The following SCFD2 variants were observed in gnomAD, a reference collection of about 807,000 sequenced individuals.
SCFD2 encodes the protein sec1 family domain-containing protein 2.
A neutral mutation model predicts 58.9 loss-of-function variants in SCFD2; 54 were observed. The observed-to-expected ratio is 0.92, with a 90% CI of 0.74 to 1.15. SCFD2 has a LOEUF of 1.15. SCFD2 is among the 50% of genes most tolerant of loss of function. SCFD2 has a pLI of 0.00. For synonymous variants in SCFD2, 321 were observed against 335.9 expected (o/e 0.96, Z 0.49); for missense variants, 805 against 836.6 (o/e 0.96, Z 0.47).
intron 4 of SCFD2, among the ~76,000 whole-genome samples, chr4:53,202,138 C>A (rs536141494): frequency 1.5e-3 from 233 of 152,072 alleles, no homozygotes; most frequent in Non-Finnish European, 2.8e-3. Context: ...AGGTTTTCTT[C>A]TAGGGTTTTT....
chr4:53,353,874 A>C (rs1300288636), intron 1 of SCFD2, among the ~76,000 whole-genome samples: 2 of 150,666 alleles, frequency 1.3e-5, no homozygotes, highest in East Asian at 3.9e-4. Context: ...TGCATTTACC[A>C]ACCTTGAGCT....
At chr4:52,971,391 C>T (rs187874911) in intron 5 of SCFD2, among the ~76,000 whole-genome samples, 3 of 152,146 alleles carry the variant, frequency 2.0e-5, no homozygotes, top group South Asian at 2.1e-4. Flanking sequence ...GTAGCTGATT[C>T]GATCAACTGG....
At chr4:52,959,417 T>A (rs1270567417) in intron 5 of SCFD2, among the ~76,000 whole-genome samples, 1 of 152,174 alleles carries the variant, frequency 6.6e-6, no homozygotes, top group African/African-American at 2.4e-5. Context: ...CAGGAATCTA[T>A]CTGCTGAACA....
At chr4:52,891,610 C>T (rs12510510) in intron 7 of SCFD2, among the ~76,000 whole-genome samples, 2 of 152,346 alleles carry the variant, frequency 1.3e-5, no homozygotes, top group South Asian at 4.1e-4. Context: ...CCACATACCG[C>T]CTTTTCCCAA....
intron 4 of SCFD2, among the ~76,000 whole-genome samples, chr4:53,220,465 AC>A (rs1209466660): frequency 4.6e-5 from 7 of 152,206 alleles, no homozygotes. Context: ...TATAATAGGT[AC>A]CCAATAATTA....
intron 4 of SCFD2, among the ~76,000 whole-genome samples, chr4:53,262,546 A>G (rs1423773623): frequency 6.6e-6 from 1 of 152,150 alleles, no homozygotes; most frequent in Non-Finnish European, 1.5e-5. Context: ...CTTGGCTGAT[A>G]ATTGTTCTGT....
chr4:53,141,094 A>AT (rs1417750660), intron 5 of SCFD2, among the ~76,000 whole-genome samples: 1 of 152,138 alleles, frequency 6.6e-6, no homozygotes, highest in Non-Finnish European at 1.5e-5. Flanking sequence ...TGGAAAAAAA[A>AT]TTTTTTAATC....
chr4:53,202,871 G>T lies in SCFD2; in HGVS notation c.1312-57289C>A, dbSNP rs575621470. ...AGAATGCTTGTGATTTTTGCACATTGATTTTGTATCCTGAGACTTTGCTGA... is the reference window on the plus strand; with the variant it reads ...AGAATGCTTGTGATTTTTGCACATTTATTTTGTATCCTGAGACTTTGCTGA... On this transcript the variant is annotated intron_variant, in intron 4 of 8. Coordinates refer to ENST00000401642, the MANE Select transcript of SCFD2 (RefSeq NM_152540.4). Among the ~76,000 whole-genome samples, 12 of 152,300 alleles carry T rather than the reference G, an allele frequency of 7.9e-5. No individual in the cohort carries two copies. The East Asian group carries it at 2.1e-3, about 27-fold the overall frequency.
chr4:52,951,965 A>G (rs1260505026), intron 5 of SCFD2, among the ~76,000 whole-genome samples: 7 of 152,154 alleles, frequency 4.6e-5, no homozygotes, highest in Non-Finnish European at 8.8e-5. Flanking sequence ...GCATTTCAAC[A>G]CTGTGCAGAG....
intron 4 of SCFD2, among the ~76,000 whole-genome samples, chr4:53,234,333 C>A (rs182190224): frequency 1.4e-3 from 213 of 152,232 alleles, no homozygotes; most frequent in African/African-American, 4.8e-3. Flanking sequence ...TGGCAAAGAA[C>A]TTGAGGGAGG....
chr4:53,190,260 A>G (rs151073542), intron 4 of SCFD2, among the ~76,000 whole-genome samples: 5 of 152,220 alleles, frequency 3.3e-5, no homozygotes, highest in African/African-American at 4.8e-5. Context: ...TGTAGCATAG[A>G]CAGATGTTGG....
chr4:53,363,804 G>A lies in SCFD2; in HGVS notation c.838+1300C>T, dbSNP rs148165157. On this transcript the variant is annotated intron_variant, in intron 1 of 8. Transcript: ENST00000401642. ...ATTGCGCCATTGCACTCCAGCCTGG[G>A]CGACAGAGAGAGACTCCGTCTCAAA... Among the ~76,000 whole-genome samples, 1,192 of 142,702 alleles carry A rather than the reference G, an allele frequency of 8.4e-3. 17 individuals carry two copies. The highest frequency in any genetic ancestry group is 0.029 in the African/African-American group (1,122 of 38,242). 93.6% of individuals were successfully genotyped at this position (142,702 alleles called of 152,430 possible).
intron 8 of SCFD2, among the ~76,000 whole-genome samples, chr4:52,877,191 C>T (rs572596237): frequency 1.2e-4 from 18 of 152,326 alleles, no homozygotes; most frequent in East Asian, 5.8e-4. Flanking sequence ...ATTTGGCTAC[C>T]GCCACTGAGC....
At position 52,932,611 on chromosome 4, in the gene SCFD2, A is replaced by G. The variant is rs539683579; in HGVS notation, c.1562-11741T>C. 4.6e-5 allele frequency among the ~76,000 whole-genome samples: 7 copies of G among 152,338 alleles called. No individual in the cohort carries two copies. In the East Asian group the frequency reaches 1.3e-3, roughly 29 times the overall value. On this transcript the variant is annotated intron_variant, in intron 5 of 8. Transcript: ENST00000401642. ...GATTATTTTCTGATCTATTTGAGAA[A>G]GAGGCAAGAATAAAAGAAGCTTAGT... is the stretch of plus-strand genomic sequence containing the variant.
intron 4 of SCFD2, among the ~76,000 whole-genome samples, chr4:53,271,539 T>A (rs1560422485): frequency 6.6e-6 from 1 of 151,946 alleles, no homozygotes; most frequent in Non-Finnish European, 1.5e-5. Context: ...CTCAGCTCAC[T>A]GCAACCTCTG....
chr4:53,206,340 C>G lies in SCFD2; in HGVS notation c.1312-60758G>C, dbSNP rs1577839644. On this transcript the variant is annotated intron_variant, in intron 4 of 8. Transcript: ENST00000401642. ...ATAAATAACTAAAAGTAGAAATTAGCAAACAGAAGATGAAGATGTTCCAGA... is the reference window on the plus strand; with the variant it reads ...ATAAATAACTAAAAGTAGAAATTAGGAAACAGAAGATGAAGATGTTCCAGA... Among the ~76,000 whole-genome samples the G allele has an allele frequency of 2.6e-5, 4 of 152,132 alleles. No homozygotes were observed. The East Asian group carries it at 7.7e-4, about 29-fold the overall frequency.
At chr4:52,940,625 T>C (rs1720268400) in intron 5 of SCFD2, among the ~76,000 whole-genome samples, 1 of 152,200 alleles carries the variant, frequency 6.6e-6, no homozygotes, top group Non-Finnish European at 1.5e-5. Context: ...ACAGGAAACA[T>C]GAACCACTGC....
chr4:53,106,605 G>A (rs557705195), intron 5 of SCFD2, among the ~76,000 whole-genome samples: 1 of 152,298 alleles, frequency 6.6e-6, no homozygotes, highest in South Asian at 2.1e-4. Flanking sequence ...TCAAGAGGAA[G>A]AAAGGATATC....
chr4:53,043,893 T>C (rs1335035460), intron 5 of SCFD2, among the ~76,000 whole-genome samples: 2 of 152,208 alleles, frequency 1.3e-5, no homozygotes, highest in East Asian at 1.9e-4. Context: ...TTTTTTGACA[T>C]TGATACACTG....
Sources: allele counts gnomAD v4.1 joint callset (sites outside exome capture counted in the v4.1 genomes callset), GRCh38; gene constraint gnomAD v4.1.1; transcripts MANE v1.5; gene names NCBI Gene and HGNC (gene_info 2026-07-23, HGNC 2026-07-21).